Variants in DLGAP1 observed in about 807,000 individuals in gnomAD.
DLGAP1 encodes disks large-associated protein 1.
Under a neutral mutation model 90.8 loss-of-function variants are expected in DLGAP1, and 11 were observed. That is an observed-to-expected ratio of 0.12 (90% CI 0.08 to 0.20). The LOEUF is 0.20. DLGAP1 is among the 10% of genes least tolerant of loss of function. The pLI is 1.00. For missense variants in DLGAP1, 1,050 were observed against 1,333.8 expected, an observed-to-expected ratio of 0.79 and a Z score of 3.31; for synonymous variants, 558 against 540.7, an observed-to-expected ratio of 1.03 and a Z score of -0.44.
chr18:3,680,419 G>C (rs2060470179), intron 7 of DLGAP1, among the ~76,000 whole-genome samples: 1 of 152,196 alleles, frequency 6.6e-6, no homozygotes, highest in South Asian at 2.1e-4. Flanking sequence ...TCAGCTTTCT[G>C]AGAAAGTCAT....
chr18:4,049,938 CCATCCATCCATCCATCCATA>C (rs1281641124), intron 2 of DLGAP1, among the ~76,000 whole-genome samples: 18 of 151,614 alleles, frequency 1.2e-4, no homozygotes, highest in African/African-American at 4.3e-4. Context: ...ATCCATCCAT[CCATCCATCCATCCATCCATA>C]CTTTAATTCA....
intron 9 of DLGAP1, among the ~76,000 whole-genome samples, chr18:3,538,244 T>C (rs1362363440): frequency 6.6e-6 from 1 of 152,076 alleles, no homozygotes; most frequent in African/African-American, 2.4e-5. Context: ...ACCAAATACG[T>C]TGTGATTCTG....
At chr18:4,114,424 G>A (rs1053915785) in intron 2 of DLGAP1, among the ~76,000 whole-genome samples, 2 of 152,020 alleles carry the variant, frequency 1.3e-5, no homozygotes, top group East Asian at 1.9e-4. Context: ...TGCTACTGGT[G>A]TATAGAAATG....
intron 7 of DLGAP1, among the ~76,000 whole-genome samples, chr18:3,670,714 G>T (rs892851649): frequency 1.3e-5 from 2 of 152,166 alleles, no homozygotes; most frequent in Admixed American, 1.3e-4. Flanking sequence ...AGTTCAGTGT[G>T]CTTAAATGTA....
chr18:3,938,288 G>T (rs374738328), intron 3 of DLGAP1, among the ~76,000 whole-genome samples: 1 of 152,160 alleles, frequency 6.6e-6, no homozygotes, highest in African/African-American at 2.4e-5. Context: ...CAGCTCAGTG[G>T]TAGAGATTTG....
rs192610987 is a variant in DLGAP1, at chr18:3,777,687, A to G, written c.1173-35175T>C. ...TCCAAGGGCATTTGGGGTAGAGAGT[A>G]TGTTTCAATTCTGAAAGGGGTTCCA... On this transcript the variant is annotated intron_variant, in intron 5 of 12. Coordinates refer to ENST00000315677, the MANE Select transcript of DLGAP1 (RefSeq NM_004746.4). 1.4e-4 allele frequency among the ~76,000 whole-genome samples: 21 copies of G among 152,342 alleles called. No homozygotes were observed. The East Asian group carries it at 4.0e-3, about 29-fold the overall frequency.
At chr18:4,337,593 T>C (rs1433105543) in intron 1 of DLGAP1, among the ~76,000 whole-genome samples, 2 of 152,180 alleles carry the variant, frequency 1.3e-5, no homozygotes, top group African/African-American at 4.8e-5. Context: ...TTAGCTCTAG[T>C]ATTCTATAAA....
chr18:3,581,800 T>A (rs2055537243), intron 8 of DLGAP1, 75 bp downstream of exon 8: 1 of 1,560,496 alleles, frequency 6.4e-7, no homozygotes, highest in African/African-American at 1.4e-5. Context: ...AAAGCAAATC[T>A]TCCGGGGAAA....
rs552207123 is a variant in DLGAP1 at position 3,698,990 on chromosome 18, A to T, written c.1591+30145T>A. ...TCCTCGTGCTGTGTTTCTCAGCTACATCAGGTCATTTATGTTCTTCTCTAA... is the reference window on the plus strand; with the variant it reads ...TCCTCGTGCTGTGTTTCTCAGCTACTTCAGGTCATTTATGTTCTTCTCTAA... On this transcript the variant is annotated intron_variant, in intron 7 of 12. Transcript: ENST00000315677. Among the ~76,000 whole-genome samples, 13 of 152,188 alleles carry T rather than the reference A, an allele frequency of 8.5e-5. No homozygotes were observed. The South Asian group carries it at 2.7e-3, about 32-fold the overall frequency.
chr18:3,787,480 CAAAAAAAAAAAAAAAAAAAAAAA>C (rs1189558362), intron 5 of DLGAP1, among the ~76,000 whole-genome samples: 1 of 63,778 alleles, frequency 1.6e-5, no homozygotes, highest in African/African-American at 6.4e-5. Flanking sequence ...AACTCCATCT[CAAAAAAAAAAAAAAAAAAAAAAA>C]AAAAAAAAAG....
At chr18:4,022,539 G>T (rs1230988995) in intron 2 of DLGAP1, among the ~76,000 whole-genome samples, 1 of 152,022 alleles carries the variant, frequency 6.6e-6, no homozygotes, top group Non-Finnish European at 1.5e-5. Flanking sequence ...TGTTTTTAAA[G>T]ATCTACTCAC....
chr18:3,583,171 TACCTACCTACCTA>T (rs1568240711), intron 7 of DLGAP1, among the ~76,000 whole-genome samples: 80 of 140,664 alleles, frequency 5.7e-4, no homozygotes, highest in African/African-American at 1.1e-3. Flanking sequence ...CCTACCTACC[TACCTACCTACCTA>T]CCTTCCTTCC....
intron 4 of DLGAP1, among the ~76,000 whole-genome samples, chr18:3,868,488 G>A (rs963533461): frequency 3.3e-5 from 5 of 152,172 alleles, no homozygotes; most frequent in Non-Finnish European, 7.4e-5. Flanking sequence ...AGACTGGCAG[G>A]TGGCATTCAG....
intron 4 of DLGAP1, among the ~76,000 whole-genome samples, chr18:3,846,043 G>GGTGTGTGTGTGTGTGTGTGTGTGTGT (rs35460885): frequency 6.9e-6 from 1 of 145,024 alleles, no homozygotes; most frequent in East Asian, 2.1e-4. Flanking sequence ...TTGAAAGTGT[G>GGTGTGTGTGTGTGTGTGTGTGTGTGT]GTGTGTGTGT....
intron 1 of DLGAP1, among the ~76,000 whole-genome samples, chr18:4,432,204 G>T (rs1001338249): frequency 2.6e-5 from 4 of 152,128 alleles, no homozygotes; most frequent in Non-Finnish European, 5.9e-5. Context: ...GAATTTTGTT[G>T]GGCATGGTAG....
At chr18:3,847,108 A>G (rs1465987983) in intron 4 of DLGAP1, among the ~76,000 whole-genome samples, 1 of 152,210 alleles carries the variant, frequency 6.6e-6, no homozygotes, top group Non-Finnish European at 1.5e-5. Context: ...TAAGGAAGCT[A>G]GGTCAGTAAA....
At chr18:4,327,857 T>G (rs2080857202) in intron 1 of DLGAP1, among the ~76,000 whole-genome samples, 2 of 152,136 alleles carry the variant, frequency 1.3e-5, no homozygotes, top group South Asian at 4.1e-4. Flanking sequence ...TGTTTTGCTT[T>G]GATGGGAATC....
At chr18:4,433,401 G>A (rs1032524107) in intron 1 of DLGAP1, among the ~76,000 whole-genome samples, 27 of 152,098 alleles carry the variant, frequency 1.8e-4, no homozygotes, top group Admixed American at 1.4e-3. Flanking sequence ...CAATTATCTC[G>A]TAGAAATCAG....
At chr18:4,042,805 T>A (rs1361090433) in intron 2 of DLGAP1, among the ~76,000 whole-genome samples, 1 of 152,200 alleles carries the variant, frequency 6.6e-6, no homozygotes, top group Non-Finnish European at 1.5e-5. Flanking sequence ...CAACGATGTA[T>A]ATCACTTCTT....
Sources: gnomAD v4.1 joint callset for allele counts (sites outside exome capture counted in the v4.1 genomes callset) on GRCh38, gnomAD v4.1.1 for gene constraint, MANE v1.5 for transcripts, NCBI Gene and HGNC (gene_info 2026-07-23, HGNC 2026-07-21) for gene names.